ARHGAP28: variants seen among roughly 807,000 people sequenced by gnomAD.
ARHGAP28 encodes the protein Rho GTPase activating protein 28, also known as rho GTPase-activating protein 28.
ARHGAP28 carries 56 observed loss-of-function variants against 90.7 expected under a neutral mutation model. That is an observed-to-expected ratio of 0.62 (90% CI 0.50 to 0.77). ARHGAP28 has a LOEUF of 0.77. Among genes scored for constraint, ARHGAP28 ranks in the 30% least tolerant of loss-of-function variants. The pLI is 0.00. For missense variants in ARHGAP28, 869 were observed against 900.9 expected (o/e 0.96, Z 0.45); for synonymous variants, 308 against 323.3 (o/e 0.95, Z 0.51).
chr18:6,839,738 A>G (rs2056789894), intron 3 of ARHGAP28, among the ~76,000 whole-genome samples: 1 of 152,192 alleles, frequency 6.6e-6, no homozygotes, highest in Admixed American at 6.5e-5. Context: ...AGATTTATTG[A>G]CAAATTTGTT....
chr18:6,911,927 A>G (rs569262568), intron 17 of ARHGAP28, 133 bp from the exon 18 acceptor site: 1 of 448,400 alleles, frequency 2.2e-6, no homozygotes, highest in South Asian at 6.5e-5. Flanking sequence ...ACCTTAACAT[A>G]TGTCTACTTA....
At chr18:6,830,128 C>T (rs1373999906) in intron 2 of ARHGAP28, among the ~76,000 whole-genome samples, 1 of 152,150 alleles carries the variant, frequency 6.6e-6, no homozygotes, top group Non-Finnish European at 1.5e-5. Context: ...CACCCTACTC[C>T]AGTATGACCT....
intron 1 of ARHGAP28, among the ~76,000 whole-genome samples, chr18:6,753,935 A>G (rs2056089404): frequency 6.6e-6 from 1 of 152,210 alleles, no homozygotes; most frequent in Admixed American, 6.5e-5. Context: ...ATTTGCTCAA[A>G]TTCTGGTCTG....
chr18:6,781,589 G>C (rs2056325073), intron 1 of ARHGAP28, among the ~76,000 whole-genome samples: 1 of 152,090 alleles, frequency 6.6e-6, no homozygotes, highest in Admixed American at 6.5e-5. Flanking sequence ...TGTCTCTGAG[G>C]CTGCTTCCTT....
At chr18:6,747,097 T>G (rs2056030114) in intron 1 of ARHGAP28, among the ~76,000 whole-genome samples, 1 of 150,766 alleles carries the variant, frequency 6.6e-6, no homozygotes, top group Non-Finnish European at 1.5e-5. Context: ...TAGCAAACAT[T>G]AATCAAATAT....
At chr18:6,830,614 T>G (rs1031231590) in intron 2 of ARHGAP28, among the ~76,000 whole-genome samples, 4 of 152,190 alleles carry the variant, frequency 2.6e-5, no homozygotes, top group Non-Finnish European at 4.4e-5. Flanking sequence ...AAAAATGGTT[T>G]CCAACTTCAT....
chr18:6,804,832 A>G (rs1397088548), intron 1 of ARHGAP28, among the ~76,000 whole-genome samples: 2 of 152,240 alleles, frequency 1.3e-5, no homozygotes, highest in African/African-American at 4.8e-5. Context: ...AATAGTATCT[A>G]TATTGGTAAA....
At chr18:6,834,366 G>C in intron 2 of ARHGAP28, 1 of 152,232 alleles carries the variant, frequency 6.6e-6, no homozygotes, top group South Asian at 2.1e-4. Context: ...AAAAGATGTA[G>C]AAACTGAGAT....
intron 3 of ARHGAP28, among the ~76,000 whole-genome samples, chr18:6,847,177 C>T (rs77925384): frequency 3.2e-3 from 494 of 152,142 alleles, no homozygotes; most frequent in African/African-American, 0.011. Context: ...TGCAGGAGTA[C>T]GGCAGGGAGA....
At chr18:6,804,462 A>T (rs1012336271) in intron 1 of ARHGAP28, among the ~76,000 whole-genome samples, 2 of 151,162 alleles carry the variant, frequency 1.3e-5, no homozygotes, top group South Asian at 2.1e-4. Flanking sequence ...TGTTATTTCT[A>T]ATTTTTTCTG....
intron 9 of ARHGAP28, chr18:6,875,085 T>C (rs1324195384): frequency 1.3e-5 from 2 of 152,206 alleles, no homozygotes; most frequent in Non-Finnish European, 2.9e-5. Context: ...GTTTAAAATA[T>C]CAAAATCAAA....
rs758046286 is a variant in ARHGAP28, at chr18:6,896,645, A to C, written c.2030+19A>C. On this transcript the variant is annotated intron_variant, in intron 16 of 17. Coordinates refer to ENST00000383472, the MANE Select transcript of ARHGAP28 (RefSeq NM_001366230.1). ...AAAACAGGTGAGTCAATGTGAATGAAGGTCTCTGCACAAGAAGGAAAAACC... is the reference window on the plus strand; with the variant it reads ...AAAACAGGTGAGTCAATGTGAATGACGGTCTCTGCACAAGAAGGAAAAACC... 2 of 1,613,418 alleles carry C rather than the reference A, an allele frequency of 1.2e-6. No homozygotes were observed. Among genetic ancestry groups the C allele is most frequent in the South Asian group, 1.1e-5 (1 of 91,004 alleles).
intron 7 of ARHGAP28, among the ~76,000 whole-genome samples, chr18:6,872,260 AGCGATT>A (rs2057095801): frequency 6.6e-6 from 1 of 152,204 alleles, no homozygotes; most frequent in South Asian, 2.1e-4. Flanking sequence ...TTGGTCAATA[AGCGATT>A]GCAGTTTTTG....
chr18:6,781,307 A>G (rs1449783064), intron 1 of ARHGAP28, among the ~76,000 whole-genome samples: 2 of 152,114 alleles, frequency 1.3e-5, no homozygotes, highest in Non-Finnish European at 2.9e-5. Context: ...GGTGGCTCCC[A>G]CCTGGGTCTC....
intron 10 of ARHGAP28, among the ~76,000 whole-genome samples, chr18:6,879,831 A>G (rs534758029): frequency 6.6e-6 from 1 of 152,302 alleles, no homozygotes; most frequent in East Asian, 1.9e-4. Flanking sequence ...TGTCGTTTTA[A>G]TATTCCATTG....
chr18:6,804,850 TGTGTACTTGAAAAC>T lies in ARHGAP28; in HGVS notation c.123-19906_123-19893del, dbSNP rs1191851323. Among the ~76,000 whole-genome samples, 24 of 152,382 alleles carry T rather than the reference TGTGTACTTGAAAAC, an allele frequency of 1.6e-4. 1 individual carries two copies. In the Middle Eastern group the frequency reaches 0.017, roughly 108 times the overall value. Reference sequence around the variant, plus strand: ...AGTATCTATATTGGTAAATGTTCTATGTGTACTTGAAAACGTGTATTCTGCTATTAATGGGTGAA... The same window carrying T: ...AGTATCTATATTGGTAAATGTTCTATGTGTATTCTGCTATTAATGGGTGAA... On this transcript the variant is annotated intron_variant, in intron 1 of 17. Coordinates refer to ENST00000383472, the MANE Select transcript of ARHGAP28 (RefSeq NM_001366230.1).
chr18:6,769,525 T>A (rs1359629400), intron 1 of ARHGAP28, among the ~76,000 whole-genome samples: 1 of 152,216 alleles, frequency 6.6e-6, no homozygotes, highest in African/African-American at 2.4e-5. Flanking sequence ...ATTCATAAAC[T>A]CATTTAATTT....
Position 6,806,107 on chromosome 18 carries a change from T to G in ARHGAP28, c.123-18655T>G, listed in dbSNP as rs569367054. On this transcript the variant is annotated intron_variant, in intron 1 of 17. Transcript: ENST00000383472. ...CGGAGTTTCACCATGTTGCCCAGGC[T>G]GGTGTCAAACTCCTGAGCTCAGGCA... Among the ~76,000 whole-genome samples, 118 of 152,166 alleles carry G rather than the reference T, an allele frequency of 7.8e-4. 1 individual carries two copies. Among genetic ancestry groups the G allele is most frequent in the African/African-American group, 2.6e-3 (109 of 41,518 alleles).
intron 1 of ARHGAP28, among the ~76,000 whole-genome samples, chr18:6,820,374 A>G (rs2056618548): frequency 6.6e-6 from 1 of 152,236 alleles, no homozygotes; most frequent in Admixed American, 6.5e-5. Flanking sequence ...TGAAGCAGAG[A>G]GAGAGTTGGG....
Sources: gnomAD v4.1 joint callset for allele counts (sites outside exome capture counted in the v4.1 genomes callset) on GRCh38, gnomAD v4.1.1 for gene constraint, MANE v1.5 for transcripts, NCBI Gene and HGNC (gene_info 2026-07-23, HGNC 2026-07-21) for gene names.